NHSL3: variants seen among roughly 807,000 people sequenced by gnomAD.
The protein encoded by NHSL3 is NHS-like protein 3.
the NHSL3 span, among the ~76,000 whole-genome samples, chr1:32,747,573 T>TAGGCATGGAGATGGGAGCTGTGTCC: frequency 4.4e-4 from 67 of 152,268 alleles, no homozygotes; most frequent in African/African-American, 1.5e-3. Flanking sequence ...GGCTGGGGGC[T>TAGGCATGGAGATGGGAGCTGTGTCC]AGGCATGGAG....
the NHSL3 span, among the ~76,000 whole-genome samples, chr1:32,767,622 C>T: frequency 0.65 from 99,103 of 151,806 alleles, 32,607 homozygotes; most frequent in East Asian, 0.78. Flanking sequence ...TGAGTGTTTA[C>T]TCCAGAACTG....
the NHSL3 span, chr1:32,769,072 A>G: frequency 4.0e-6 from 1 of 250,334 alleles, no homozygotes; most frequent in Non-Finnish European, 7.8e-6. Context: ...AACACGGTGA[A>G]TGAAACCCCG....
chr1:32,774,006 C>G, the NHSL3 span: 1 of 152,700 alleles, frequency 6.5e-6, no homozygotes, highest in Non-Finnish European at 1.5e-5. Context: ...TGAGGGGCAC[C>G]CAGTGCTTCT....
chr1:32,750,894 C>T, the NHSL3 span, among the ~76,000 whole-genome samples: 1 of 151,996 alleles, frequency 6.6e-6, no homozygotes, highest in Non-Finnish European at 1.5e-5. Context: ...TCACTGCAAC[C>T]TCTGACTCCC....
the NHSL3 span, among the ~76,000 whole-genome samples, chr1:32,749,241 G>C: frequency 1.1e-4 from 17 of 152,310 alleles, no homozygotes; most frequent in Admixed American, 3.9e-4. Flanking sequence ...GGCAAAGCAC[G>C]TGCTAGGGAC....
chr1:32,772,316 C>T, the NHSL3 span: 1 of 1,610,280 alleles, frequency 6.2e-7, no homozygotes, highest in Non-Finnish European at 8.5e-7. Context: ...CGAGCTGAGC[C>T]CCTTACTGCT....
the NHSL3 span, among the ~76,000 whole-genome samples, chr1:32,758,509 C>A: frequency 6.6e-6 from 1 of 152,048 alleles, no homozygotes; most frequent in Non-Finnish European, 1.5e-5. Context: ...CATGTCTCGT[C>A]CCCTTTCTTG....
chr1:32,763,732 C>T, the NHSL3 span, among the ~76,000 whole-genome samples: 21 of 152,090 alleles, frequency 1.4e-4, no homozygotes, highest in Admixed American at 5.2e-4. Context: ...CCACCACGCC[C>T]GGCTAATTTT....
At chr1:32,742,085 A>G in the NHSL3 span, 1 of 1,255,992 alleles carries the variant, frequency 8.0e-7, no homozygotes, top group Non-Finnish European at 1.0e-6. Context: ...CTGCGGGGCA[A>G]GCGGCGCAAG....
the NHSL3 span, chr1:32,768,217 A>G: frequency 4.7e-6 from 4 of 853,134 alleles, no homozygotes; most frequent in Non-Finnish European, 8.0e-6. Context: ...CTTTATCACA[A>G]AGGGCTACAC....
chr1:32,744,566 C>T, the NHSL3 span, among the ~76,000 whole-genome samples: 4 of 152,142 alleles, frequency 2.6e-5, no homozygotes, highest in East Asian at 1.9e-4. Context: ...TCTTGTTCAA[C>T]TCACTTTACA....
chr1:32,742,050 C>T, the NHSL3 span: 1 of 1,261,522 alleles, frequency 7.9e-7, no homozygotes, highest in Non-Finnish European at 1.0e-6. Context: ...CCGGCGCGTC[C>T]GGCCTCCGCC....
chr1:32,768,021 G>C, the NHSL3 span: 1 of 1,613,166 alleles, frequency 6.2e-7, no homozygotes, highest in Non-Finnish European at 8.5e-7. Flanking sequence ...AGCTGTCAAG[G>C]TCAGGGGCCT....
At chr1:32,765,731 A>G in the NHSL3 span, 1 of 1,545,848 alleles carries the variant, frequency 6.5e-7, no homozygotes, top group Non-Finnish European at 8.7e-7. Flanking sequence ...CTGGAGAGGC[A>G]GGGTGGGATA....
the NHSL3 span, among the ~76,000 whole-genome samples, chr1:32,761,019 C>T: frequency 1.3e-5 from 2 of 152,154 alleles, no homozygotes; most frequent in Admixed American, 6.5e-5. Context: ...CCGGTGTGCC[C>T]TCCGTGCTGG....
chr1:32,749,812 T>G, the NHSL3 span, among the ~76,000 whole-genome samples: 1 of 152,054 alleles, frequency 6.6e-6, no homozygotes, highest in African/African-American at 2.4e-5. Flanking sequence ...TCTCAATCAG[T>G]GTGCTCTCCC....
the NHSL3 span, chr1:32,770,172 G>GTT: frequency 1.2e-6 from 2 of 1,600,250 alleles, no homozygotes; most frequent in South Asian, 2.2e-5. The surrounding 1 kb of genome is among the most constrained non-coding windows in gnomAD (Gnocchi z 8.3). Flanking sequence ...TGACAGGAGG[G>GTT]GCAGGGCCTG....
At chr1:32,772,358 A>G in the NHSL3 span, 5 of 1,594,188 alleles carry the variant, frequency 3.1e-6, no homozygotes, top group Non-Finnish European at 2.6e-6. Context: ...CACACCCAGG[A>G]CAGGACTAAG....
chr1:32,748,171 T>C, the NHSL3 span, among the ~76,000 whole-genome samples: 2 of 151,602 alleles, frequency 1.3e-5, no homozygotes, highest in Admixed American at 1.3e-4. Context: ...CCCAGGTACT[T>C]GGGAGGCTGA....
Sources: allele counts gnomAD v4.1 joint callset (sites outside exome capture counted in the v4.1 genomes callset), GRCh38; gene constraint gnomAD v4.1.1; non-coding constraint Gnocchi (gnomAD v3.1); transcripts MANE v1.5; gene names NCBI Gene and HGNC (gene_info 2026-07-23, HGNC 2026-07-21).